The following CPNE5 variants were observed in gnomAD, a reference collection of about 807,000 sequenced individuals.
CPNE5 encodes the protein copine-5.
Under a neutral mutation model 81.1 loss-of-function variants are expected in CPNE5, and 42 were observed. The observed-to-expected ratio is 0.52, with a 90% CI of 0.40 to 0.67. The LOEUF is 0.67. Ranked by LOEUF, CPNE5 falls within the 30% of genes least tolerant of loss-of-function variation. The pLI, the probability that CPNE5 is intolerant of heterozygous loss-of-function variation, is 0.00. For missense variants in CPNE5, 612 were observed against 815.5 expected, an observed-to-expected ratio of 0.75 and a Z score of 3.04; for synonymous variants, 313 against 321.5, an observed-to-expected ratio of 0.97 and a Z score of 0.28.
intron 1 of CPNE5, among the ~76,000 whole-genome samples, chr6:36,828,308 C>CAAAAAAAAAAAA (rs11444450): frequency 5.1e-5 from 4 of 78,604 alleles, no homozygotes; most frequent in Non-Finnish European, 5.0e-5. Context: ...AACAACAAAC[C>CAAAAAAAAAAAA]AAAAAAAAAA....
intron 10 of CPNE5, among the ~76,000 whole-genome samples, chr6:36,767,047 G>A (rs181825232): frequency 1.5e-4 from 23 of 152,232 alleles, no homozygotes; most frequent in Admixed American, 1.2e-3. Flanking sequence ...GTAGAGATGG[G>A]GTTTCACCAT....
chr6:36,813,882 T>G (rs1771315287), intron 3 of CPNE5, among the ~76,000 whole-genome samples: 1 of 152,190 alleles, frequency 6.6e-6, no homozygotes, highest in Non-Finnish European at 1.5e-5. Context: ...TGTGATGGAG[T>G]GCCCAGGTCA....
chr6:36,822,697 C>T (rs946571811), intron 2 of CPNE5, among the ~76,000 whole-genome samples: 1 of 152,154 alleles, frequency 6.6e-6, no homozygotes, highest in Non-Finnish European at 1.5e-5. Flanking sequence ...AGGTCACACG[C>T]TTGGGTGGCA....
rs1257594996 is a variant in CPNE5, at chr6:36,775,037, T to A, written c.661A>T (p.Met221Leu). Residue 221 changes from methionine (M) to leucine (L), a missense_variant, in exon 10 of 21, where the codon ATG (methionine) becomes TTG (leucine). By Grantham distance (15) the Met-to-Leu change is conservative. Transcript: ENST00000244751. ...CAGACTGGATTTAGGGTGTTCTTCA[T>A]GACCTCGGTCTTGTGGCAAATGGTG... ...TFTICHKTEV[M>L]KNTLNPVWQT... 6 of 1,614,052 alleles carry A rather than the reference T, an allele frequency of 3.7e-6. No homozygotes were observed. The highest frequency in any genetic ancestry group is 1.3e-5 in the African/African-American group (1 of 74,934).
intron 3 of CPNE5, among the ~76,000 whole-genome samples, chr6:36,811,761 T>C (rs236391): frequency 0.36 from 54,327 of 151,858 alleles, 10,268 homozygotes; most frequent in African/African-American, 0.47. Context: ...GCTACACACA[T>C]ATTCACGGTG....
intron 1 of CPNE5, among the ~76,000 whole-genome samples, chr6:36,833,388 C>G (rs75453128): frequency 0.013 from 2,029 of 152,350 alleles, 43 homozygotes; most frequent in African/African-American, 0.044. Context: ...ATCCCCTCCC[C>G]TTGAGAGTGG....
chr6:36,806,136 T>C (rs1770570345), intron 3 of CPNE5, among the ~76,000 whole-genome samples: 1 of 152,104 alleles, frequency 6.6e-6, no homozygotes, highest in African/African-American at 2.4e-5. Flanking sequence ...GTGCCCAGCC[T>C]GTAGGGGGCT....
At chr6:36,838,017 A>G (rs533351917) in intron 1 of CPNE5, among the ~76,000 whole-genome samples, 15 of 152,202 alleles carry the variant, frequency 9.9e-5, no homozygotes, top group Admixed American at 2.6e-4. Flanking sequence ...CTATCACAGG[A>G]GCCCCCAGAG....
chr6:36,801,015 C>A (rs1454384172), intron 3 of CPNE5, among the ~76,000 whole-genome samples: 1 of 152,210 alleles, frequency 6.6e-6, no homozygotes, highest in Non-Finnish European at 1.5e-5. Context: ...GTGAGAGACC[C>A]TGAGCCGGAG....
Position 36,782,178 on chromosome 6 carries a change from G to A in CPNE5, c.529-3221C>T, listed in dbSNP as rs570502165. Among the ~76,000 whole-genome samples, 34 of 152,190 alleles carry A rather than the reference G, an allele frequency of 2.2e-4. No individual in the cohort carries two copies. In the East Asian group the frequency reaches 4.4e-3, roughly 20 times the overall value. On this transcript the variant is annotated intron_variant, in intron 8 of 20. Transcript: ENST00000244751. ...CCCCAGCCTTCCCAGCCCTGGCCAG[G>A]GTTTGGTTGTCATCATCATGATCTC...
At chr6:36,832,177 G>A (rs533439485) in intron 1 of CPNE5, among the ~76,000 whole-genome samples, 32 of 152,340 alleles carry the variant, frequency 2.1e-4, no homozygotes, top group African/African-American at 5.8e-4. Flanking sequence ...TCCATTGACC[G>A]TAGGAAAATC....
intron 10 of CPNE5, among the ~76,000 whole-genome samples, chr6:36,765,676 G>A (rs1170480133): frequency 1.3e-5 from 2 of 152,244 alleles, no homozygotes; most frequent in African/African-American, 2.4e-5. Context: ...CTGCAGAAGG[G>A]GCATAAGCTC....
At chr6:36,802,997 G>A (rs998187060) in intron 3 of CPNE5, among the ~76,000 whole-genome samples, 13 of 152,144 alleles carry the variant, frequency 8.5e-5, no homozygotes, top group Admixed American at 1.3e-4. Context: ...GGAGGTCGCA[G>A]TGAACTAAGA....
intron 11 of CPNE5, 43 bp from the exon 12 acceptor site, chr6:36,763,035 C>T (rs371682764): frequency 6.5e-7 from 1 of 1,548,148 alleles, no homozygotes; most frequent in South Asian, 1.1e-5. Flanking sequence ...CAGGCTGTGC[C>T]CTGCCTCTGC....
intron 10 of CPNE5, among the ~76,000 whole-genome samples, chr6:36,774,591 T>A (rs1443565789): frequency 6.6e-6 from 1 of 152,262 alleles, no homozygotes; most frequent in Non-Finnish European, 1.5e-5. Context: ...GACAAGCTGC[T>A]GAACTCCAGG....
chr6:36,816,983 G>A (rs555604397), intron 3 of CPNE5, among the ~76,000 whole-genome samples: 21 of 152,188 alleles, frequency 1.4e-4, no homozygotes, highest in South Asian at 4.2e-4. Context: ...TTGCCAAGTC[G>A]GCTAAGCTAT....
At chr6:36,765,270 G>T in intron 11 of CPNE5, 65 bp downstream of exon 11, 1 of 1,567,318 alleles carries the variant, frequency 6.4e-7, no homozygotes, top group Middle Eastern at 1.7e-4. Context: ...CGCATGGGAG[G>T]GCAGGGCCCA....
intron 1 of CPNE5, among the ~76,000 whole-genome samples, chr6:36,833,092 A>G (rs111659841): frequency 0.016 from 2,372 of 152,230 alleles, 53 homozygotes; most frequent in African/African-American, 0.052. Context: ...CATAGTTGGT[A>G]CTCAGGCCTC....
chr6:36,786,096 A>G (rs909182235), intron 8 of CPNE5, among the ~76,000 whole-genome samples: 10 of 152,166 alleles, frequency 6.6e-5, no homozygotes, highest in Non-Finnish European at 1.5e-5. Context: ...TGGATTTTCC[A>G]AATCTCCTAG....
Sources: allele counts gnomAD v4.1 joint callset (sites outside exome capture counted in the v4.1 genomes callset), GRCh38; gene constraint gnomAD v4.1.1; transcripts MANE v1.5; gene names NCBI Gene and HGNC (gene_info 2026-07-23, HGNC 2026-07-21).